FBXL17: variants seen among roughly 807,000 people sequenced by gnomAD.
FBXL17 encodes F-box/LRR-repeat protein 17.
FBXL17 carries 22 observed loss-of-function variants against 66.2 expected under a neutral mutation model. The observed-to-expected ratio is 0.33, with a 90% CI of 0.24 to 0.47. The LOEUF is 0.47. Among genes scored for constraint, FBXL17 ranks in the 20% least tolerant of loss-of-function variants. The probability of loss-of-function intolerance (pLI) is 1.00; values close to 1 mark genes in which losing one functional copy is unlikely to be tolerated. For missense variants in FBXL17, 878 were observed against 948.2 expected, an observed-to-expected ratio of 0.93 and a Z score of 0.97; for synonymous variants, 474 against 400.5, an observed-to-expected ratio of 1.18 and a Z score of -2.19.
intron 4 of FBXL17, 73 bp downstream of exon 4, chr5:108,348,326 T>A (rs982680430): frequency 7.9e-5 from 107 of 1,360,908 alleles, no homozygotes; most frequent in Non-Finnish European, 1.0e-4. Context: ...GCAGAAAAAA[T>A]TATAAATAAA....
intron 7 of FBXL17, among the ~76,000 whole-genome samples, chr5:107,925,861 T>C (rs1750508199): frequency 6.6e-6 from 1 of 152,158 alleles, no homozygotes; most frequent in African/African-American, 2.4e-5. Flanking sequence ...ACTAAAGTAA[T>C]CAATATCTTA....
At chr5:108,172,143 T>A (rs368956157) in intron 6 of FBXL17, among the ~76,000 whole-genome samples, 164 of 152,312 alleles carry the variant, frequency 1.1e-3, no homozygotes, top group Non-Finnish European at 1.8e-3. Flanking sequence ...CTTACTCACA[T>A]GTTTGACAGT....
intron 6 of FBXL17, among the ~76,000 whole-genome samples, chr5:108,087,560 T>C (rs902863390): frequency 6.6e-6 from 1 of 152,110 alleles, no homozygotes; most frequent in Non-Finnish European, 1.5e-5. Flanking sequence ...CTTTCATACT[T>C]TCTTCTATGG....
At chr5:107,910,228 CCTGA>C (rs1452191429) in intron 7 of FBXL17, among the ~76,000 whole-genome samples, 1 of 151,904 alleles carries the variant, frequency 6.6e-6, no homozygotes, top group East Asian at 1.9e-4. Context: ...TACAATTGGG[CCTGA>C]CTGTTTTGAA....
At chr5:107,989,727 T>C (rs1291640241) in intron 7 of FBXL17, among the ~76,000 whole-genome samples, 2 of 152,128 alleles carry the variant, frequency 1.3e-5, no homozygotes, top group Non-Finnish European at 2.9e-5. Flanking sequence ...CTATTTTCCA[T>C]AGTTGCTGTG....
At chr5:107,876,804 G>C (rs967814085) in intron 8 of FBXL17, among the ~76,000 whole-genome samples, 2 of 152,148 alleles carry the variant, frequency 1.3e-5, no homozygotes, top group African/African-American at 2.4e-5. Flanking sequence ...GATCTATAGA[G>C]AATCTAGAAT....
At position 107,902,399 on chromosome 5, in the gene FBXL17, A is replaced by G. The variant is rs1403358432; in HGVS notation, c.1823-21220T>C. ...AATTTATCCAATACATCATCACAGC[A>G]GGTTTTTAAAGAAATATTTATTACT... On this transcript the variant is annotated intron_variant, in intron 7 of 8. Transcript: ENST00000542267. 2.0e-5 allele frequency among the ~76,000 whole-genome samples: 3 copies of G among 152,326 alleles called. No homozygotes were observed. In the East Asian group the frequency reaches 5.8e-4, roughly 29 times the overall value.
chr5:108,010,821 T>C (rs1421345974), intron 7 of FBXL17, among the ~76,000 whole-genome samples: 1 of 152,196 alleles, frequency 6.6e-6, no homozygotes, highest in East Asian at 1.9e-4. Flanking sequence ...AAACAATAGT[T>C]CTTCACTGAT....
chr5:108,372,253 T>C (rs1002360160), intron 1 of FBXL17, among the ~76,000 whole-genome samples: 3 of 152,192 alleles, frequency 2.0e-5, no homozygotes, highest in Non-Finnish European at 2.9e-5. Flanking sequence ...TTAAAATTAC[T>C]GAGTCTGTGG....
At chr5:107,898,561 T>A (rs949427126) in intron 7 of FBXL17, among the ~76,000 whole-genome samples, 2 of 152,166 alleles carry the variant, frequency 1.3e-5, no homozygotes, top group African/African-American at 2.4e-5. Context: ...CATGGTGGTT[T>A]GCTGCACCCA....
At chr5:107,914,704 A>G (rs1398988303) in intron 7 of FBXL17, among the ~76,000 whole-genome samples, 2 of 152,192 alleles carry the variant, frequency 1.3e-5, no homozygotes, top group Non-Finnish European at 2.9e-5. Flanking sequence ...TCAGGATGGT[A>G]CTTATGAGGT....
chr5:108,072,793 G>A (rs1020946416), intron 6 of FBXL17, among the ~76,000 whole-genome samples: 1 of 152,126 alleles, frequency 6.6e-6, no homozygotes, highest in Non-Finnish European at 1.5e-5. Context: ...CCTCATTAAC[G>A]CTTTTTCATT....
chr5:108,111,779 A>C (rs1750045466), intron 6 of FBXL17, among the ~76,000 whole-genome samples: 1 of 152,208 alleles, frequency 6.6e-6, no homozygotes, highest in African/African-American at 2.4e-5. Context: ...ATCCTATTAC[A>C]TAATTAACTC....
chr5:108,114,824 T>C (rs1750179998), intron 6 of FBXL17, among the ~76,000 whole-genome samples: 1 of 152,182 alleles, frequency 6.6e-6, no homozygotes, highest in Non-Finnish European at 1.5e-5. Context: ...TGATACTACA[T>C]CATTTTTTAA....
chr5:107,981,107 G>A (rs1752807360), intron 7 of FBXL17, among the ~76,000 whole-genome samples: 7 of 152,042 alleles, frequency 4.6e-5, no homozygotes, highest in Admixed American at 4.6e-4. Flanking sequence ...AAAATGGGAG[G>A]GCATCTGAGA....
At chr5:108,218,717 C>T (rs1335264865) in intron 5 of FBXL17, among the ~76,000 whole-genome samples, 1 of 152,008 alleles carries the variant, frequency 6.6e-6, no homozygotes, top group Non-Finnish European at 1.5e-5. Flanking sequence ...TTGCTGGCCA[C>T]ATGTATGTCT....
At chr5:108,017,685 C>T (rs1447393107) in intron 7 of FBXL17, among the ~76,000 whole-genome samples, 1 of 152,128 alleles carries the variant, frequency 6.6e-6, no homozygotes, top group African/African-American at 2.4e-5. Context: ...TTTTCCACAA[C>T]ACTGCCAATG....
intron 4 of FBXL17, among the ~76,000 whole-genome samples, chr5:108,240,764 GCT>G (rs1755820482): frequency 2.0e-5 from 3 of 152,206 alleles, no homozygotes; most frequent in Non-Finnish European, 4.4e-5. Context: ...AAGACCCAGT[GCT>G]ATTCTGGTTC....
At chr5:108,218,251 G>A (rs1030863406) in intron 5 of FBXL17, among the ~76,000 whole-genome samples, 13 of 151,670 alleles carry the variant, frequency 8.6e-5, no homozygotes, top group African/African-American at 2.4e-4. Flanking sequence ...CTCGTGATCC[G>A]CCCACCTCGG....
Sources: gnomAD v4.1 joint callset for allele counts (sites outside exome capture counted in the v4.1 genomes callset) on GRCh38, gnomAD v4.1.1 for gene constraint, MANE v1.5 for transcripts, NCBI Gene and HGNC (gene_info 2026-07-23, HGNC 2026-07-21) for gene names.